Variants in PTPRG observed in about 807,000 individuals in gnomAD.
The protein encoded by PTPRG is protein tyrosine phosphatase receptor type G.
PTPRG carries 102 observed loss-of-function variants against 165.3 expected under a neutral mutation model. That is an observed-to-expected ratio of 0.62 (90% CI 0.53 to 0.73). PTPRG has a LOEUF of 0.73. Ranked by LOEUF, PTPRG falls within the 30% of genes least tolerant of loss-of-function variation. The pLI is 0.00. For synonymous variants in PTPRG, 675 were observed against 669.5 expected, an observed-to-expected ratio of 1.01 and a Z score of -0.13; for missense variants, 1,866 against 1,861.4, an observed-to-expected ratio of 1.00 and a Z score of -0.05.
At chr3:62,082,328 C>G (rs544754952) in intron 5 of PTPRG, among the ~76,000 whole-genome samples, 1 of 152,244 alleles carries the variant, frequency 6.6e-6, no homozygotes, top group African/African-American at 2.4e-5. Context: ...TGTTGCCCCC[C>G]AAAAGCACCA....
chr3:61,818,842 G>A (rs1366922144), intron 2 of PTPRG, among the ~76,000 whole-genome samples: 1 of 88,278 alleles, frequency 1.1e-5, no homozygotes, highest in Non-Finnish European at 2.1e-5. Context: ...TAGTGAAATA[G>A]TGAATAGTGA....
At chr3:62,278,068 CTTGT>C (rs2148883122) in intron 26 of PTPRG, among the ~76,000 whole-genome samples, 1 of 152,128 alleles carries the variant, frequency 6.6e-6, no homozygotes, top group Admixed American at 6.6e-5. Context: ...CATGCATTAA[CTTGT>C]TTAATTCTCA....
At chr3:61,699,833 G>A (rs1274159187) in intron 1 of PTPRG, among the ~76,000 whole-genome samples, 2 of 152,280 alleles carry the variant, frequency 1.3e-5, no homozygotes, top group Non-Finnish European at 2.9e-5. Flanking sequence ...TGACAAAGAA[G>A]CCTAAAAGAA....
intron 4 of PTPRG, among the ~76,000 whole-genome samples, chr3:62,067,586 C>T (rs1701058713): frequency 6.6e-6 from 1 of 151,890 alleles, no homozygotes; most frequent in African/African-American, 2.4e-5. Flanking sequence ...CAGTGGGAGC[C>T]CTGAGCGTGT....
At chr3:61,596,393 A>C (rs768518365) in intron 1 of PTPRG, among the ~76,000 whole-genome samples, 2 of 152,228 alleles carry the variant, frequency 1.3e-5, no homozygotes, top group Admixed American at 6.5e-5. Context: ...AGAAAAACAG[A>C]TTTCACTAGT....
chr3:61,963,076 G>A lies in PTPRG; in HGVS notation c.191-26549G>A, dbSNP rs925630630. 4.6e-5 allele frequency among the ~76,000 whole-genome samples: 7 copies of A among 151,900 alleles called. No homozygotes were observed. The East Asian group carries it at 1.4e-3, about 29-fold the overall frequency. On this transcript the variant is annotated intron_variant, in intron 2 of 29. Transcript: ENST00000474889. ...TATTAGTTTTCGTTTATCCTTCCAG[G>A]GTTTCTTTATGCAAATATAATTAAA...
chr3:62,258,505 T>C (rs1433084518), intron 16 of PTPRG, among the ~76,000 whole-genome samples: 1 of 152,218 alleles, frequency 6.6e-6, no homozygotes, highest in Admixed American at 6.5e-5. Flanking sequence ...TGTATTTTCA[T>C]TGGAGATTTC....
chr3:61,762,620 G>T (rs1363402842), intron 2 of PTPRG, among the ~76,000 whole-genome samples: 2 of 152,080 alleles, frequency 1.3e-5, no homozygotes, highest in Non-Finnish European at 2.9e-5. Flanking sequence ...TCTCTTTGAC[G>T]TATGAGTACA....
intron 5 of PTPRG, among the ~76,000 whole-genome samples, chr3:62,110,971 G>T (rs1327174350): frequency 1.3e-5 from 2 of 152,204 alleles, no homozygotes; most frequent in Non-Finnish European, 2.9e-5. Context: ...GATGAAGCAG[G>T]AGAGCTTGTG....
At chr3:61,791,450 A>G (rs1358431984) in intron 2 of PTPRG, among the ~76,000 whole-genome samples, 1 of 152,198 alleles carries the variant, frequency 6.6e-6, no homozygotes, top group Non-Finnish European at 1.5e-5. Flanking sequence ...TTGGGTACGT[A>G]TTTGTAACTG....
chr3:62,286,141 C>CAAAG (rs1702651944), intron 28 of PTPRG, among the ~76,000 whole-genome samples: 1 of 152,072 alleles, frequency 6.6e-6, no homozygotes, highest in Non-Finnish European at 1.5e-5. Context: ...GCCCTGAGAT[C>CAAAG]AAAGAGTCTA....
chr3:62,267,798 G>T lies in PTPRG; in HGVS notation c.2853G>T (p.Thr951=), dbSNP rs557054933. ...EQNTGIIVMI[T]NLVEKGRRKC... is the part of the protein sequence containing the mutation. Reference sequence around the variant, plus strand: ...ACACTGGAATCATTGTGATGATTACGAACCTTGTGGAAAAAGGAAGAGTAA... The same window carrying T: ...ACACTGGAATCATTGTGATGATTACTAACCTTGTGGAAAAAGGAAGAGTAA... Residue 951 remains threonine (T), a synonymous_variant, in exon 19 of 30, where the codon ACG becomes ACT. Coordinates refer to ENST00000474889, the MANE Select transcript of PTPRG (RefSeq NM_002841.4). 3.1e-6 allele frequency: 5 copies of T among 1,612,864 alleles called. No homozygotes were observed. The South Asian group carries it at 5.5e-5, about 18-fold the overall frequency.
At chr3:62,258,274 G>C (rs980740846) in intron 16 of PTPRG, among the ~76,000 whole-genome samples, 4 of 152,162 alleles carry the variant, frequency 2.6e-5, no homozygotes, top group African/African-American at 9.7e-5. Context: ...TGGACATTAA[G>C]AGGAGCTAAA....
At chr3:62,284,075 T>C (rs2148892502) in intron 28 of PTPRG, among the ~76,000 whole-genome samples, 1 of 152,206 alleles carries the variant, frequency 6.6e-6, no homozygotes, top group South Asian at 2.1e-4. Context: ...TTTTCTAGAA[T>C]TCCTGGGTTT....
chr3:62,092,438 T>TG (rs1411811646), intron 5 of PTPRG, among the ~76,000 whole-genome samples: 42 of 36,826 alleles, frequency 1.1e-3, no homozygotes, highest in Middle Eastern at 0.017. Flanking sequence ...AGAGTCCATC[T>TG]GAAAAAAAAA....
intron 2 of PTPRG, among the ~76,000 whole-genome samples, chr3:61,937,884 GAA>G (rs1208012553): frequency 6.6e-6 from 1 of 151,322 alleles, no homozygotes; most frequent in Non-Finnish European, 1.5e-5. Context: ...GTGCTGCCAA[GAA>G]GCTTTTAAGC....
At chr3:61,593,820 A>T (rs1413510235) in intron 1 of PTPRG, among the ~76,000 whole-genome samples, 1 of 152,124 alleles carries the variant, frequency 6.6e-6, no homozygotes, top group Non-Finnish European at 1.5e-5. Context: ...ACTAAATCTA[A>T]TTAATAGCTA....
chr3:61,775,873 A>G (rs1182062954), intron 2 of PTPRG, among the ~76,000 whole-genome samples: 1 of 148,542 alleles, frequency 6.7e-6, no homozygotes, highest in African/African-American at 2.5e-5. Context: ...TGGGAATTGA[A>G]CAATGAGAAC....
intron 6 of PTPRG, among the ~76,000 whole-genome samples, chr3:62,146,511 G>C (rs1417573971): frequency 2.6e-5 from 4 of 152,090 alleles, no homozygotes; most frequent in African/African-American, 9.7e-5. Context: ...AGGCCATGAG[G>C]CATGCATTTA....
Sources: gnomAD v4.1 joint callset for allele counts (sites outside exome capture counted in the v4.1 genomes callset) on GRCh38, gnomAD v4.1.1 for gene constraint, MANE v1.5 for transcripts, NCBI Gene and HGNC (gene_info 2026-07-23, HGNC 2026-07-21) for gene names.